VCP: variants seen among roughly 807,000 people sequenced by gnomAD.
VCP encodes the protein valosin containing protein, also known as transitional endoplasmic reticulum ATPase.
In VCP, 6 loss-of-function variants were observed where a neutral mutation model predicts 85.7. The ratio of observed to expected loss-of-function variants is 0.07; its 90% CI spans 0.04 to 0.14. The LOEUF (loss-of-function observed/expected upper bound fraction) is 0.14. VCP is among the 10% of genes least tolerant of loss of function. VCP has a pLI of 1.00. For missense variants in VCP, 353 were observed against 1,043.4 expected, an observed-to-expected ratio of 0.34 and a Z score of 9.12; for synonymous variants, 384 against 367.1, an observed-to-expected ratio of 1.05 and a Z score of -0.53.
rs1464214604 is a variant in VCP, at chr9:35,068,197, A to G, written c.129+54T>C. 8 of 1,607,628 alleles carry G rather than the reference A, an allele frequency of 5.0e-6. No homozygotes were observed. The African/African-American group carries it at 8.0e-5, about 16-fold the overall frequency. ...AGAAAAATGAGAAAAGAAACCTGGGAAAATCCCTCAAGTAAGTGCAGTAAG... is the reference window on the plus strand; with the variant it reads ...AGAAAAATGAGAAAAGAAACCTGGGGAAATCCCTCAAGTAAGTGCAGTAAG... On this transcript the variant is annotated intron_variant, in intron 2 of 16. Coordinates refer to ENST00000358901, the MANE Select transcript of VCP (RefSeq NM_007126.5).
chr9:35,068,992 C>A (rs1828887238), intron 1 of VCP, among the ~76,000 whole-genome samples: 1 of 152,144 alleles, frequency 6.6e-6, no homozygotes, highest in South Asian at 2.1e-4. Flanking sequence ...GTAAGCCAGA[C>A]AACCTCCCTT....
chr9:35,064,653 C>T (rs1828792650), intron 5 of VCP, among the ~76,000 whole-genome samples: 4 of 152,202 alleles, frequency 2.6e-5, no homozygotes, highest in Admixed American at 1.3e-4. Flanking sequence ...GAAGGGGTCT[C>T]TAAAATCTGA....
chr9:35,058,754 G>A (rs952712343), intron 15 of VCP, among the ~76,000 whole-genome samples: 10 of 151,950 alleles, frequency 6.6e-5, no homozygotes, highest in Admixed American at 2.6e-4. Flanking sequence ...GCAACAGAGT[G>A]AGACTTCGTC....
intron 5 of VCP, 147 bp from the exon 6 acceptor site, chr9:35,064,432 T>G: frequency 9.2e-7 from 1 of 1,091,082 alleles, no homozygotes; most frequent in Non-Finnish European, 1.3e-6. Flanking sequence ...ACATCTGTAA[T>G]CCCAGCACTT....
At chr9:35,063,915 A>G (rs1003139444) in intron 6 of VCP, among the ~76,000 whole-genome samples, 10 of 152,152 alleles carry the variant, frequency 6.6e-5, no homozygotes, top group Admixed American at 1.3e-4. Context: ...CCATATATAT[A>G]TGTGTGTGTG....
Position 35,056,524 on chromosome 9 carries a change from C to T in VCP, c.*593G>A, listed in dbSNP as rs1158140947. The T allele has an allele frequency of 6.2e-6, 1 of 160,978 alleles. No individual in the cohort carries two copies. Among genetic ancestry groups the T allele is most frequent in the East Asian group, 1.8e-4 (1 of 5,674 alleles). The allele number at this position is 160,978 out of a possible 1,614,324, so 10.0% of individuals were successfully genotyped here. On this transcript the variant is annotated 3_prime_UTR_variant, in exon 17 of 17. Transcript: ENST00000358901. Reference sequence around the variant, plus strand: ...GAGTGGTGGGTAGCCCAAGGCTGTTCCCAGGAAAAGAAGCAGGCACAGGGC... The same window carrying T: ...GAGTGGTGGGTAGCCCAAGGCTGTTTCCAGGAAAAGAAGCAGGCACAGGGC...
In VCP at chr9:35,059,083, T is replaced by C; in HGVS notation, c.2141A>G (p.Gln714Arg). The C allele has an allele frequency of 6.2e-7, 1 of 1,614,116 alleles. No individual in the cohort carries two copies. Among genetic ancestry groups the C allele is most frequent in the Non-Finnish European group, 8.5e-7 (1 of 1,180,028 alleles). The change falls in exon 15 of 17, where the codon CAG (glutamine) becomes CGG (arginine). Residue 714 changes from glutamine to arginine, a missense_variant. Physicochemically the swap from Gln to Arg is conservative, Grantham distance 43. Around this residue, in one of 8 missense-constraint regions of VCP, gnomAD observed 93 missense variants for 197.1 expected, o/e 0.47. Transcript: ENST00000358901. The surrounding 1 kb of genome is among the most constrained non-coding windows in gnomAD (Gnocchi z 4.9). ...ACTCACCATGGCTGATGGGTTTGTC[T>C]GCCTCTCTCGTTCTCGCCTAATCTC... ...ESEIRRERERQTNPSAMEVEE... is the reference protein window; with the variant it reads ...ESEIRRERERRTNPSAMEVEE...
intron 3 of VCP, among the ~76,000 whole-genome samples, chr9:35,067,351 C>G (rs2131039763): frequency 6.6e-6 from 1 of 152,276 alleles, no homozygotes; most frequent in East Asian, 1.9e-4. Context: ...ATGGGGTAAC[C>G]TCTTGCCTAA....
chr9:35,071,135 A>C (rs1002149588), intron 1 of VCP, among the ~76,000 whole-genome samples: 1 of 152,174 alleles, frequency 6.6e-6, no homozygotes, highest in African/African-American at 2.4e-5. Context: ...CTGCATATAA[A>C]CCAAAAGAAT....
Position 35,056,612 on chromosome 9 carries a change from G to T in VCP, c.*505C>A. The stretch of plus-strand genomic sequence containing the variant: ...TCCTTTTACAACATGTCATTTTTTG[G>T]TTTAGAAACTGCTTGTGATTAGTTT... On this transcript the variant is annotated 3_prime_UTR_variant, in exon 17 of 17. Coordinates refer to ENST00000358901, the MANE Select transcript of VCP (RefSeq NM_007126.5). 5.5e-6 allele frequency: 1 copy of T among 181,958 alleles called. No individual in the cohort carries two copies. The highest frequency in any genetic ancestry group is 1.2e-5 in the Non-Finnish European group (1 of 84,384). The allele number at this position is 181,958 out of a possible 1,614,324, so 11.3% of individuals were successfully genotyped here.
At chr9:35,068,107 G>C in intron 2 of VCP, 44 bp from the exon 3 acceptor site, 2 of 1,613,254 alleles carry the variant, frequency 1.2e-6, no homozygotes, top group Non-Finnish European at 1.7e-6. Context: ...GGGCTGACGG[G>C]GAGTAAGCAG....
At position 35,062,267 on chromosome 9, in the gene VCP, C is replaced by T; in HGVS notation, c.895G>A (p.Ala299Thr). 6.2e-7 allele frequency: 1 copy of T among 1,614,186 alleles called. No individual in the cohort carries two copies. Among genetic ancestry groups the T allele is most frequent in the Non-Finnish European group, 8.5e-7 (1 of 1,180,032 alleles). ...AFEEAEKNAP[A>T]IIFIDELDAI... ...TCTAGCTCATCAATGAAGATGATGG[C>T]AGGAGCATTCTTCTCAGCCTCCTCA... is the stretch of plus-strand genomic sequence containing the variant. The change falls in exon 8 of 17, where the codon GCC (alanine) becomes ACC (threonine). Residue 299 changes from alanine (A) to threonine (T), a missense_variant. Physicochemically the swap from Ala to Thr is moderately conservative, Grantham distance 58. Around this residue, in one of 8 missense-constraint regions of VCP, gnomAD observed 85 missense variants for 345.2 expected, o/e 0.25. Transcript: ENST00000358901.
intron 9 of VCP, 46 bp from the exon 10 acceptor site, chr9:35,061,735 G>C (rs371819773): frequency 6.6e-7 from 1 of 1,523,690 alleles, no homozygotes; most frequent in Non-Finnish European, 9.1e-7. Flanking sequence ...CTCTAGTCCA[G>C]AGGTAAGAGA....
intron 1 of VCP, among the ~76,000 whole-genome samples, chr9:35,069,235 C>A (rs1828891663): frequency 6.6e-6 from 1 of 152,194 alleles, no homozygotes; most frequent in Non-Finnish European, 1.5e-5. Flanking sequence ...CAAAAGTACA[C>A]AATTCCATAA....
chr9:35,064,660 C>G (rs1828792802), intron 5 of VCP, among the ~76,000 whole-genome samples: 1 of 152,214 alleles, frequency 6.6e-6, no homozygotes, highest in South Asian at 2.1e-4. Flanking sequence ...TCTCTAAAAT[C>G]TGAAGCTGGA....
Position 35,060,995 on chromosome 9 carries a change from G to A in VCP, c.1359+20C>T. On this transcript the variant is annotated intron_variant, in intron 11 of 16. Coordinates refer to ENST00000358901, the MANE Select transcript of VCP (RefSeq NM_007126.5). ...TCAAAGCACGTATGTGTGTACCTGA[G>A]GCACGGGTGTGGTCCTTACCCGGAA... is the stretch of plus-strand genomic sequence containing the variant. 1.9e-6 allele frequency: 3 copies of A among 1,614,148 alleles called. No homozygotes were observed. The highest frequency in any genetic ancestry group is 2.2e-5 in the East Asian group (1 of 44,880).
chr9:35,057,994 C>T (rs1172393672), intron 15 of VCP, among the ~76,000 whole-genome samples: 2 of 152,324 alleles, frequency 1.3e-5, no homozygotes, highest in East Asian at 1.9e-4. Flanking sequence ...TTACATCCTA[C>T]CTAGCGGTCT....
chr9:35,057,033 C>A lies in VCP; in HGVS notation c.*84G>T. 7.1e-7 allele frequency: 1 copy of A among 1,399,174 alleles called. No homozygotes were observed. The allele number at this position is 1,399,174 out of a possible 1,614,324, so 86.7% of individuals were successfully genotyped here. A position where few individuals can be genotyped will look rare whatever the true frequency, so the allele number is the denominator to read the frequency against. The stretch of plus-strand genomic sequence containing the variant: ...AATGGAGCAGGCTGTGGGCGCACCC[C>A]TGGTCCCTCTCCTGGGCAAGCGCCC... On this transcript the variant is annotated 3_prime_UTR_variant, in exon 17 of 17. Coordinates refer to ENST00000358901, the MANE Select transcript of VCP (RefSeq NM_007126.5).
intron 12 of VCP, 73 bp from the exon 13 acceptor site, chr9:35,060,598 C>A: frequency 1.3e-6 from 2 of 1,549,254 alleles, no homozygotes; most frequent in Non-Finnish European, 1.8e-6. Flanking sequence ...CAGAAGCATC[C>A]CCTCCATTAT....
Sources: gnomAD v4.1 joint callset for allele counts (sites outside exome capture counted in the v4.1 genomes callset) on GRCh38, gnomAD v4.1.1 for gene constraint, gnomAD v4.1.1 regional missense constraint, Gnocchi (gnomAD v3.1) non-coding constraint, MANE v1.5 for transcripts, NCBI Gene and HGNC (gene_info 2026-07-23, HGNC 2026-07-21) for gene names.